The following GAS2 variants were observed in gnomAD, a reference collection of about 807,000 sequenced individuals.
The protein encoded by GAS2 is growth arrest specific 2, also known as growth arrest-specific protein 2.
In GAS2, 20 loss-of-function variants were observed where a neutral mutation model predicts 37.5. The ratio of observed to expected loss-of-function variants is 0.53; its 90% CI spans 0.37 to 0.77. GAS2 has a LOEUF of 0.77. Ranked by LOEUF, GAS2 falls within the 30% of genes least tolerant of loss-of-function variation. The pLI is 0.00. For synonymous variants in GAS2, 144 were observed against 132.2 expected (o/e 1.09, Z -0.61); for missense variants, 336 against 373.4 (o/e 0.90, Z 0.82).
chr11:22,661,108 A>G (rs781447377), intron 1 of GAS2, among the ~76,000 whole-genome samples: 22 of 152,234 alleles, frequency 1.4e-4, no homozygotes, highest in Non-Finnish European at 2.8e-4. Flanking sequence ...TAACTGGAGC[A>G]ATATCTAACT....
At chr11:22,738,512 A>G (rs1326331095) in intron 5 of GAS2, among the ~76,000 whole-genome samples, 1 of 152,246 alleles carries the variant, frequency 6.6e-6, no homozygotes, top group African/African-American at 2.4e-5. Flanking sequence ...AAATGTTTGA[A>G]GAAGTCTTGA....
intron 3 of GAS2, among the ~76,000 whole-genome samples, chr11:22,692,732 A>G (rs116282020): frequency 0.018 from 2,780 of 152,120 alleles, 82 homozygotes; most frequent in East Asian, 0.065. Context: ...ATTTTTGGGG[A>G]CCCAAGATAT....
Position 22,812,084 on chromosome 11 carries a change from A to G in GAS2, c.*68A>G, listed in dbSNP as rs1857206122. The stretch of plus-strand genomic sequence containing the variant: ...TCCACTTCTCCAGTATAGTCAGTTT[A>G]GTTCATATGTTCTGAAAACTGTTTT... On this transcript the variant is annotated 3_prime_UTR_variant, in exon 8 of 8. Coordinates refer to ENST00000454584, the MANE Select transcript of GAS2 (RefSeq NM_001143830.3). 3.5e-6 allele frequency: 4 copies of G among 1,149,202 alleles called. No individual in the cohort carries two copies. Among genetic ancestry groups the G allele is most frequent in the Non-Finnish European group, 5.2e-6 (4 of 772,056 alleles). The allele number at this position is 1,149,202 out of a possible 1,614,324, so 71.2% of individuals were successfully genotyped here.
intron 7 of GAS2, among the ~76,000 whole-genome samples, chr11:22,802,008 T>C (rs1856683020): frequency 6.6e-6 from 1 of 151,316 alleles, no homozygotes; most frequent in Non-Finnish European, 1.5e-5. Flanking sequence ...TGAGAGAAAA[T>C]ATAAAAAAAA....
chr11:22,797,299 G>GGCTA (rs1856475932), intron 7 of GAS2, among the ~76,000 whole-genome samples: 1 of 152,046 alleles, frequency 6.6e-6, no homozygotes, highest in African/African-American at 2.4e-5. Context: ...TCCAGAAAGA[G>GGCTA]GCTACTTGAC....
intron 1 of GAS2, among the ~76,000 whole-genome samples, chr11:22,659,445 G>T (rs1227965613): frequency 6.6e-6 from 1 of 152,110 alleles, no homozygotes; most frequent in Non-Finnish European, 1.5e-5. Flanking sequence ...ATCTATCCTC[G>T]ACTGATACCA....
At chr11:22,695,140 T>C (rs182767797) in intron 3 of GAS2, among the ~76,000 whole-genome samples, 1,890 of 151,896 alleles carry the variant, frequency 0.012, 41 homozygotes, top group African/African-American at 0.044. Context: ...GCCAACATGG[T>C]AAAACGCTGT....
At chr11:22,721,559 T>C (rs1590707879) in intron 3 of GAS2, among the ~76,000 whole-genome samples, 1 of 152,144 alleles carries the variant, frequency 6.6e-6, no homozygotes, top group Non-Finnish European at 1.5e-5. Context: ...AAATTATAAA[T>C]TCACTTCTCC....
At chr11:22,775,908 A>G (rs1855234379) in intron 7 of GAS2, among the ~76,000 whole-genome samples, 1 of 152,226 alleles carries the variant, frequency 6.6e-6, no homozygotes, top group South Asian at 2.1e-4. Flanking sequence ...AGCCTTTCAT[A>G]GAGACTAAGA....
intron 4 of GAS2, among the ~76,000 whole-genome samples, chr11:22,735,962 C>CCA (rs1852731631): frequency 6.7e-6 from 1 of 150,048 alleles, no homozygotes; most frequent in African/African-American, 2.5e-5. Flanking sequence ...CTTCTTTCTC[C>CCA]CACTCAAAAC....
At chr11:22,655,426 C>T (rs771810033) in intron 1 of GAS2, among the ~76,000 whole-genome samples, 1 of 152,074 alleles carries the variant, frequency 6.6e-6, no homozygotes, top group Non-Finnish European at 1.5e-5. Flanking sequence ...ATAAAGAGTT[C>T]ATAAATGTTT....
At position 22,749,232 on chromosome 11, in the gene GAS2, A is replaced by C; in HGVS notation, c.586A>C (p.Lys196Gln). The C allele has an allele frequency of 6.2e-7, 1 of 1,612,322 alleles. No homozygotes were observed. The highest frequency in any genetic ancestry group is 1.3e-5 in the African/African-American group (1 of 74,878). Residue 196 changes from lysine (K) to glutamine (Q), a missense_variant, in exon 6 of 8, where the codon AAG becomes CAG. By Grantham distance (53) the Lys-to-Gln change is moderately conservative (BLOSUM62 1). Transcript: ENST00000454584. The stretch of plus-strand genomic sequence containing the variant: ...TCCTTCATCAAAGTCTTCTGGAAAA[A>C]AGAGTACAGGAAACTTACTGGATGA... ...PSPSSKSSGK[K>Q]STGNLLDDAV...
At chr11:22,779,169 A>T (rs1855423068) in intron 7 of GAS2, among the ~76,000 whole-genome samples, 1 of 152,090 alleles carries the variant, frequency 6.6e-6, no homozygotes. Context: ...CCCACAAAAA[A>T]ATTCTGAAAA....
intron 1 of GAS2, 60 bp downstream of exon 1, chr11:22,666,959 A>T (rs1475854719): frequency 6.6e-6 from 1 of 152,396 alleles, no homozygotes; most frequent in East Asian, 1.9e-4. Context: ...CGCGCACCGC[A>T]GCCGGGGCTC....
rs1003138708 is a variant in GAS2 at position 22,745,743 on chromosome 11, A to G, written c.474-3377A>G. Among the ~76,000 whole-genome samples the G allele has an allele frequency of 5.9e-5, 9 of 152,174 alleles. 1 individual carries two copies. The South Asian group carries it at 6.2e-4, about 11-fold the overall frequency. ...AATCCATAAGAAACTTAAACAATTC[A>G]ATAAGCAAAGCCAAATAACATCATT... On this transcript the variant is annotated intron_variant, in intron 5 of 7. Transcript: ENST00000454584.
intron 3 of GAS2, among the ~76,000 whole-genome samples, chr11:22,719,813 G>A (rs757492503): frequency 1.3e-5 from 2 of 151,926 alleles, no homozygotes; most frequent in Admixed American, 1.3e-4. Context: ...TTTTAGCACC[G>A]AATAATCCAT....
intron 2 of GAS2, among the ~76,000 whole-genome samples, chr11:22,680,539 G>T (rs954699214): frequency 2.6e-5 from 4 of 152,090 alleles, no homozygotes; most frequent in African/African-American, 9.7e-5. Context: ...GATGAAAATA[G>T]AATTTGATAG....
At chr11:22,654,070 C>T (rs1351238196) in intron 1 of GAS2, among the ~76,000 whole-genome samples, 1 of 152,164 alleles carries the variant, frequency 6.6e-6, no homozygotes, top group Non-Finnish European at 1.5e-5. Context: ...ACCTGATGCC[C>T]CAGGCACTGT....
intron 1 of GAS2, among the ~76,000 whole-genome samples, chr11:22,631,940 C>G (rs1236101283): frequency 7.3e-6 from 1 of 137,926 alleles, no homozygotes; most frequent in Non-Finnish European, 1.5e-5. Context: ...TCCATCTGGC[C>G]CTGGACTTTT....
Sources: gnomAD v4.1 joint callset for allele counts (sites outside exome capture counted in the v4.1 genomes callset) on GRCh38, gnomAD v4.1.1 for gene constraint, MANE v1.5 for transcripts, NCBI Gene and HGNC (gene_info 2026-07-23, HGNC 2026-07-21) for gene names.